Variants in MTTP observed in about 807,000 individuals in gnomAD.
The protein encoded by MTTP is microsomal triglyceride transfer protein large subunit.
Under a neutral mutation model 90.6 loss-of-function variants are expected in MTTP, and 49 were observed. That is an observed-to-expected ratio of 0.54 (90% confidence interval 0.43 to 0.69). The LOEUF is 0.69. Ranked by LOEUF, MTTP falls within the 30% of genes least tolerant of loss-of-function variation. MTTP has a pLI of 0.00. For missense variants in MTTP, 945 were observed against 1,067.5 expected (o/e 0.89, Z 1.60); for synonymous variants, 347 against 384.2 (o/e 0.90, Z 1.13).
intron 16 of MTTP, among the ~76,000 whole-genome samples, chr4:99,620,574 C>T (rs1374773018): frequency 4.6e-5 from 7 of 152,108 alleles, no homozygotes; most frequent in South Asian, 2.1e-4. Flanking sequence ...CAAGGGCTTA[C>T]GCCTCTAGAG....
At chr4:99,611,590 T>A in intron 14 of MTTP, 137 bp downstream of exon 14, 1 of 1,242,762 alleles carries the variant, frequency 8.0e-7, no homozygotes, top group Non-Finnish European at 1.2e-6. Flanking sequence ...TGCCCATGAT[T>A]TCCTTATCTG....
intron 1 of MTTP, among the ~76,000 whole-genome samples, chr4:99,575,629 GAATT>G (rs1724938061): frequency 6.6e-6 from 1 of 152,118 alleles, no homozygotes; most frequent in South Asian, 2.1e-4. Flanking sequence ...AAATACATAT[GAATT>G]AATACCATTG....
At chr4:99,605,290 T>C (rs138431123) in intron 10 of MTTP, among the ~76,000 whole-genome samples, 6,539 of 152,268 alleles carry the variant, frequency 0.043, 155 homozygotes, top group Non-Finnish European at 0.056. Flanking sequence ...AGTAAACAGA[T>C]GTTCACACAT....
At chr4:99,577,205 T>C (rs1191001625) in intron 1 of MTTP, among the ~76,000 whole-genome samples, 2 of 152,114 alleles carry the variant, frequency 1.3e-5, no homozygotes, top group African/African-American at 4.8e-5. Flanking sequence ...CATTTAAAAT[T>C]TGGGGATCCC....
chr4:99,588,046 G>C (rs778045232), intron 3 of MTTP, among the ~76,000 whole-genome samples: 3 of 152,112 alleles, frequency 2.0e-5, no homozygotes, highest in South Asian at 2.1e-4. Context: ...CTGATTGCCA[G>C]ATAAAGTACC....
chr4:99,605,869 ATG>A (rs111417359), intron 10 of MTTP, among the ~76,000 whole-genome samples: 7 of 149,208 alleles, frequency 4.7e-5, no homozygotes, highest in East Asian at 4.0e-4. Context: ...AACCCCATGT[ATG>A]TGTGTGTGTG....
intron 10 of MTTP, among the ~76,000 whole-genome samples, chr4:99,605,989 T>G (rs1429789319): frequency 6.6e-6 from 1 of 152,018 alleles, no homozygotes; most frequent in Non-Finnish European, 1.5e-5. Flanking sequence ...TTTAAAAAAT[T>G]TTTCAGCCTA....
At chr4:99,614,140 A>G (rs1726032185) in intron 15 of MTTP, among the ~76,000 whole-genome samples, 1 of 152,214 alleles carries the variant, frequency 6.6e-6, no homozygotes, top group Admixed American at 6.5e-5. Context: ...TTAATACATT[A>G]ATGGATAATA....
At chr4:99,578,214 A>T (rs1028584882) in intron 1 of MTTP, among the ~76,000 whole-genome samples, 1 of 152,200 alleles carries the variant, frequency 6.6e-6, no homozygotes, top group African/African-American at 2.4e-5. Context: ...CTTTTAAGTC[A>T]CTTAAAAATT....
intron 1 of MTTP, among the ~76,000 whole-genome samples, chr4:99,577,478 GCCTGTAATCCC>G (rs1724992860): frequency 6.6e-6 from 1 of 151,904 alleles, no homozygotes; most frequent in Non-Finnish European, 1.5e-5. Context: ...GGTAGCGCAT[GCCTGTAATCCC>G]AGCTACTCAG....
rs764916174 is a variant in MTTP at position 99,597,221 on chromosome 4, T to C, written c.1064T>C (p.Val355Ala). 9 of 1,613,018 alleles carry C rather than the reference T, an allele frequency of 5.6e-6. No individual in the cohort carries two copies. The highest frequency in any genetic ancestry group is 1.3e-5 in the African/African-American group (1 of 74,894). Reference protein sequence around the residue: ...LQILKMENKEVLPQLVDAVTS... With the variant: ...LQILKMENKEALPQLVDAVTS... ...ATACTAAAGATGGAAAATAAGGAAG[T>C]ATTGTAAGTTCCCCAACCTTTGTGT... Residue 355 changes from valine (V) to alanine (A), a missense_variant, in exon 8 of 18, where the codon GTA becomes GCA. By Grantham distance (64) the Val-to-Ala change is moderately conservative (BLOSUM62 0). Coordinates refer to ENST00000265517, the MANE Select transcript of MTTP (RefSeq NM_001386140.1).
chr4:99,573,176 A>G (rs556690107), upstream of MTTP, among the ~76,000 whole-genome samples: 1 of 152,276 alleles, frequency 6.6e-6, no homozygotes, highest in African/African-American at 2.4e-5. Context: ...GCCTCAAATG[A>G]AAATACATAA....
At chr4:99,579,415 G>T (rs187233493) in intron 1 of MTTP, among the ~76,000 whole-genome samples, 2 of 147,376 alleles carry the variant, frequency 1.4e-5, no homozygotes, top group Admixed American at 1.3e-4. Flanking sequence ...AGCCCTCCTC[G>T]GGGCCTTTGC....
At chr4:99,586,720 G>C (rs968633491) in intron 3 of MTTP, among the ~76,000 whole-genome samples, 5 of 152,026 alleles carry the variant, frequency 3.3e-5, no homozygotes, top group African/African-American at 1.2e-4. Flanking sequence ...ATGGAATTTA[G>C]TCTCCTCTTA....
rs1218615482 is a variant in MTTP, at chr4:99,611,187, A to T, written c.1814A>T (p.Tyr605Phe). Residue 605 changes from tyrosine (Y) to phenylalanine (F), a missense_variant, in exon 13 of 18, where the codon TAT (tyrosine) becomes TTT (phenylalanine). Tyr to Phe is a conservative substitution (Grantham distance 22). Transcript: ENST00000265517. ...RVLKEMVAHN[Y>F]DRFSRSGSSS... The stretch of plus-strand genomic sequence containing the variant: ...CTGAAGGAAATGGTCGCTCACAATT[A>T]TGACCGTTTCTCCAGGAGTGGATCT... The T allele has an allele frequency of 6.2e-7, 1 of 1,614,048 alleles. No individual in the cohort carries two copies. The highest frequency in any genetic ancestry group is 1.1e-5 in the South Asian group (1 of 91,076).
intron 1 of MTTP, among the ~76,000 whole-genome samples, chr4:99,576,826 A>C (rs1178231911): frequency 1.3e-5 from 2 of 152,144 alleles, no homozygotes; most frequent in Admixed American, 1.3e-4. Context: ...AAACAAGCTT[A>C]GTAGTAAATC....
At chr4:99,574,752 C>T, upstream of MTTP, 1 of 1,531,356 alleles carries the variant, frequency 6.5e-7, no homozygotes, top group Non-Finnish European at 8.9e-7. Context: ...GAACTTAGGT[C>T]CTGATTTTGG....
At chr4:99,595,330 G>A (rs1423506007) in intron 7 of MTTP, among the ~76,000 whole-genome samples, 2 of 152,110 alleles carry the variant, frequency 1.3e-5, no homozygotes, top group Non-Finnish European at 2.9e-5. Context: ...GCCTAAATTA[G>A]GAAACATTTA....
At chr4:99,598,285 T>C (rs1725607012) in intron 8 of MTTP, among the ~76,000 whole-genome samples, 1 of 152,200 alleles carries the variant, frequency 6.6e-6, no homozygotes, top group East Asian at 1.9e-4. Context: ...GAGGGACTTG[T>C]CTTAACATTA....
Sources: allele counts gnomAD v4.1 joint callset (sites outside exome capture counted in the v4.1 genomes callset), GRCh38; gene constraint gnomAD v4.1.1; transcripts MANE v1.5; gene names NCBI Gene and HGNC (gene_info 2026-07-23, HGNC 2026-07-21).